FLNA: variants seen among roughly 807,000 people sequenced by gnomAD.
The protein encoded by FLNA is filamin-A.
In FLNA, 7 loss-of-function variants were observed where a neutral mutation model predicts 157.6. The ratio of observed to expected loss-of-function variants is 0.04; its 90% CI spans 0.03 to 0.08. The LOEUF (loss-of-function observed/expected upper bound fraction) is 0.08, where lower values mean the gene tolerates loss of function less well. Among genes scored for constraint, FLNA ranks in the 10% least tolerant of loss-of-function variants. FLNA has a pLI of 1.00. For synonymous variants in FLNA, 1,103 were observed against 1,060.8 expected (o/e 1.04, Z -0.77); for missense variants, 1,750 against 2,398.4 (o/e 0.73, Z 5.65).
Position 154,366,070 on chromosome X carries a change from G to A in FLNA, c.1383C>T (p.Ala461=), listed in dbSNP as rs371223471. 44 of 1,208,245 alleles carry A rather than the reference G, an allele frequency of 3.6e-5. No homozygotes were observed. The highest frequency in any genetic ancestry group is 7.0e-5 in the African/African-American group (4 of 57,523). The change falls in exon 9 of 48, where the codon GCC becomes GCT. Residue 461 remains alanine (A), a synonymous_variant. Coordinates refer to ENST00000369850, the MANE Select transcript of FLNA (RefSeq NM_001110556.2). ...EGVHTVHVTF[A]GVPIPRSPYT... The stretch of plus-strand genomic sequence containing the variant: ...AGGGGCTGCGAGGGATGGGCACGCC[G>A]GCAAACGTGACGTGCACGGTGTGGA...
At chrX:154,369,405 G>A (rs1401125979) in intron 2 of FLNA, among the ~76,000 whole-genome samples, 3 of 111,991 alleles carry the variant, frequency 2.7e-5, no homozygotes, top group African/African-American at 9.7e-5. Context: ...CCAGGTCCAT[G>A]TTAGGCCAGC....
intron 2 of FLNA, among the ~76,000 whole-genome samples, chrX:154,370,275 G>A (rs1372221484): frequency 1.8e-5 from 2 of 112,685 alleles, no homozygotes; most frequent in Non-Finnish European, 3.8e-5. Context: ...CTCACCCCGG[G>A]TGCAGTTTTG....
In FLNA at chrX:154,362,588, G is replaced by A. The variant is rs1024959081; in HGVS notation, c.2405-10C>T. 9.1e-6 allele frequency: 11 copies of A among 1,209,259 alleles called. No homozygotes were observed. Among genetic ancestry groups the A allele is most frequent in the Middle Eastern group, 2.3e-4 (1 of 4,352 alleles). ...CCGATGCTGACGTCCCCTGCGGCGGGGAGAGGAGCGGAGGCTGAGACCTCG... is the reference window on the plus strand; with the variant it reads ...CCGATGCTGACGTCCCCTGCGGCGGAGAGAGGAGCGGAGGCTGAGACCTCG... On this transcript the variant is annotated splice_polypyrimidine_tract_variant and intron_variant, in intron 16 of 47. Transcript: ENST00000369850.
Position 154,353,007 on chromosome X carries a change from C to T in FLNA, c.6220G>A (p.Asp2074Asn), listed in dbSNP as rs371611462. 83 of 1,209,293 alleles carry T rather than the reference C, an allele frequency of 6.9e-5. No homozygotes were observed. The highest frequency in any genetic ancestry group is 8.9e-5 in the East Asian group (3 of 33,793). ...GTGGGCAGCCACTGCCTACCTGCAT[C>T]GCGGGTATCAATGATAAACTCTGCA... ...EPAEFIIDTR[D>N]AGYGGLSLSI... The change falls in exon 38 of 48, where the codon GAT becomes AAT. Residue 2074 changes from aspartate to asparagine, a missense_variant. Coordinates refer to ENST00000369850, the MANE Select transcript of FLNA (RefSeq NM_001110556.2).
intron 1 of FLNA, among the ~76,000 whole-genome samples, chrX:154,373,691 A>T (rs781888313): frequency 2.7e-5 from 3 of 112,717 alleles, no homozygotes; most frequent in East Asian, 5.6e-4. Context: ...AGGCCTGCGT[A>T]GCCAGGGGGC....
intron 40 of FLNA, 25 bp downstream of exon 40, chrX:154,352,528 T>TC (rs1351439441): frequency 5.8e-6 from 7 of 1,210,848 alleles, no homozygotes; most frequent in Non-Finnish European, 7.8e-6. Context: ...CCAGGACCCC[T>TC]CCCCAGGCTT....
chrX:154,355,203 T>C, intron 30 of FLNA, 131 bp from the exon 31 acceptor site: 1 of 634,886 alleles, frequency 1.6e-6, no homozygotes, highest in Non-Finnish European at 2.4e-6. Context: ...CCAGGCCTCC[T>C]GCCCCGCCCT....
chrX:154,371,306 A>G lies in FLNA; in HGVS notation c.-61T>C. 8.5e-7 allele frequency: 1 copy of G among 1,170,923 alleles called. No homozygotes were observed. Among genetic ancestry groups the G allele is most frequent in the Non-Finnish European group, 1.1e-6 (1 of 878,246 alleles). On this transcript the variant is annotated 5_prime_UTR_variant, in exon 2 of 48. Coordinates refer to ENST00000369850, the MANE Select transcript of FLNA (RefSeq NM_001110556.2). ...GCCTCGGCGAGGGGACGGCCCTTTA[A>G]TTAAAGTCGCAGGCACCTAGGCGCG...
Position 154,354,180 on chromosome X carries a change from T to C in FLNA, c.5528A>G (p.Asp1843Gly). 8.3e-7 allele frequency: 1 copy of C among 1,211,673 alleles called. No individual in the cohort carries two copies. Among genetic ancestry groups the C allele is most frequent in the Non-Finnish European group, 1.1e-6 (1 of 895,558 alleles). ...GATGTGCATGTTGTCATAGCGGATG[T>C]CCATCTCGTGCAGGCCAGCCTCGCT... ...APSEAGLHEMDIRYDNMHIPG... is the reference protein window; with the variant it reads ...APSEAGLHEMGIRYDNMHIPG... Residue 1843 changes from aspartate (D) to glycine (G), a missense_variant, in exon 34 of 48, where the codon GAC becomes GGC. This residue lies in a region of FLNA where 970 missense variants were observed against 1,302.6 expected (regional missense o/e 0.74). Transcript: ENST00000369850.
intron 22 of FLNA, 26 bp downstream of exon 22, chrX:154,359,964 A>C: frequency 8.3e-7 from 1 of 1,205,425 alleles, no homozygotes; most frequent in Non-Finnish European, 1.1e-6. Context: ...GTCCCCCGTC[A>C]CATACCCCAC....
At chrX:154,368,894 G>A (rs1209023079) in intron 2 of FLNA, among the ~76,000 whole-genome samples, 1 of 112,799 alleles carries the variant, frequency 8.9e-6, no homozygotes, top group African/African-American at 3.2e-5. Context: ...CCACCTAACG[G>A]GCCTCTGGGC....
At chrX:154,368,355 G>A (rs1361885222) in intron 2 of FLNA, among the ~76,000 whole-genome samples, 2 of 112,241 alleles carry the variant, frequency 1.8e-5, no homozygotes, top group African/African-American at 3.2e-5. Context: ...ACTGCCAGAA[G>A]CCCTGGGCCC....
In FLNA at chrX:154,349,286, C is replaced by T. The variant is rs192089041; in HGVS notation, c.7756+76G>A. The T allele has an allele frequency of 1.8e-3, 1,886 of 1,075,426 alleles. 3 individuals carry two copies. Among genetic ancestry groups the T allele is most frequent in the Non-Finnish European group, 2.3e-3 (1,739 of 772,284 alleles). 88.6% of individuals were successfully genotyped at this position (1,075,426 alleles called of 1,213,427 possible). On this transcript the variant is annotated intron_variant, in intron 47 of 47. Transcript: ENST00000369850. ...CCACGCCCCAAAGGCGGTCCCTGCT[C>T]TCCCAGACACTGGCCATCCTGTGAT...
Position 154,371,332 on chromosome X carries a change from C to G in FLNA, c.-87G>C, listed in dbSNP as rs1377943590. Reference sequence around the variant, plus strand: ...TTAAAGTCGCAGGCACCTAGGCGCGCGGGAGGCGAGGCAGGGAGCAGAGGT... The same window carrying G: ...TTAAAGTCGCAGGCACCTAGGCGCGGGGGAGGCGAGGCAGGGAGCAGAGGT... On this transcript the variant is annotated 5_prime_UTR_variant, in exon 2 of 48. Transcript: ENST00000369850. 3 of 1,072,542 alleles carry G rather than the reference C, an allele frequency of 2.8e-6. No individual in the cohort carries two copies. Among genetic ancestry groups the G allele is most frequent in the Non-Finnish European group, 3.7e-6 (3 of 806,938 alleles). 88.4% of individuals were successfully genotyped at this position (1,072,542 alleles called of 1,213,427 possible).
chrX:154,367,157 C>T (rs180764206), intron 5 of FLNA, among the ~76,000 whole-genome samples: 2 of 112,036 alleles, frequency 1.8e-5, no homozygotes, highest in African/African-American at 3.2e-5. Context: ...TAATAAAGAC[C>T]GCTGGATGCT....
At chrX:154,370,329 T>TGG (rs370755957) in intron 2 of FLNA, among the ~76,000 whole-genome samples, 81 of 111,394 alleles carry the variant, frequency 7.3e-4, no homozygotes, top group African/African-American at 2.5e-3. Flanking sequence ...TGTGTGTGTG[T>TGG]GGGGGGGTAG....
Position 154,354,415 on chromosome X carries a change from G to A in FLNA, c.5382C>T (p.Val1794=), listed in dbSNP as rs781937904. 2 of 1,210,766 alleles carry A rather than the reference G, an allele frequency of 1.7e-6. No individual in the cohort carries two copies. The highest frequency in any genetic ancestry group is 1.1e-6 in the Non-Finnish European group (1 of 895,332). Residue 1794 remains valine (V), a synonymous_variant, in exon 33 of 48, where the codon GTC becomes GTT. Coordinates refer to ENST00000369850, the MANE Select transcript of FLNA (RefSeq NM_001110556.2). ...CGCCCTTCTTGATGGTGAAGGGGAT[G>A]ACAAGGTCAAAGGGCCTCAGGCTGG... ...DVTSLRPFDL[V]IPFTIKKGEI...
At position 154,366,961 on chromosome X, in the gene FLNA, G is replaced by A. The variant is rs1557179452; in HGVS notation, c.869-111C>T. 4.9e-6 allele frequency: 3 copies of A among 616,342 alleles called. No homozygotes were observed. The African/African-American group carries it at 6.5e-5, about 13-fold the overall frequency. 50.8% of individuals were successfully genotyped at this position (616,342 alleles called of 1,213,427 possible). ...CTAAGTCAGGCACATTCCAAACTGG[G>A]CAAGTTCATTCAGTGTGAGCTGTGG... On this transcript the variant is annotated intron_variant, in intron 5 of 47. Transcript: ENST00000369850.
Position 154,371,183 on chromosome X carries a change from G to A in FLNA, c.63C>T (p.Val21=), listed in dbSNP as rs782306951. The change falls in exon 2 of 48, where the codon GTC becomes GTT. Residue 21 remains valine (V), a synonymous_variant. Coordinates refer to ENST00000369850, the MANE Select transcript of FLNA (RefSeq NM_001110556.2). ...SAAGAAPGGG[V]DTRDAEMPAT... Reference sequence around the variant, plus strand: ...CCGGCATCTCGGCGTCCCGCGTGTCGACGCCGCCGCCCGGAGCCGCGCCTG... The same window carrying A: ...CCGGCATCTCGGCGTCCCGCGTGTCAACGCCGCCGCCCGGAGCCGCGCCTG... The A allele has an allele frequency of 6.8e-5, 81 of 1,193,862 alleles. No homozygotes were observed. The highest frequency in any genetic ancestry group is 8.4e-5 in the Non-Finnish European group (75 of 887,625).
Sources: allele counts gnomAD v4.1 joint callset (sites outside exome capture counted in the v4.1 genomes callset), GRCh38; gene constraint gnomAD v4.1.1; regional missense constraint gnomAD v4.1.1; transcripts MANE v1.5; gene names NCBI Gene and HGNC (gene_info 2026-07-23, HGNC 2026-07-21).